CCDC148: variants seen among roughly 807,000 people sequenced by gnomAD.
CCDC148 encodes coiled-coil domain-containing protein 148.
CCDC148 carries 89 observed loss-of-function variants against 85.7 expected under a neutral mutation model. That is an observed-to-expected ratio of 1.04 (90% CI 0.87 to 1.24). The LOEUF (loss-of-function observed/expected upper bound fraction) is 1.24, where lower values mean the gene tolerates loss of function less well. Ranked by LOEUF, CCDC148 falls within the 50% of genes most tolerant of loss-of-function variation. CCDC148 has a pLI of 0.00. For synonymous variants in CCDC148, 230 were observed against 213.9 expected, an observed-to-expected ratio of 1.08 and a Z score of -0.66; for missense variants, 692 against 671.7, an observed-to-expected ratio of 1.03 and a Z score of -0.33.
intron 1 of CCDC148, among the ~76,000 whole-genome samples, chr2:158,369,850 T>C (rs1037850473): frequency 6.6e-6 from 1 of 152,190 alleles, no homozygotes; most frequent in Non-Finnish European, 1.5e-5. Context: ...GTTTCATCAA[T>C]ACATCGTTTG....
At chr2:158,377,076 G>A (rs539719333) in intron 1 of CCDC148, among the ~76,000 whole-genome samples, 3 of 152,058 alleles carry the variant, frequency 2.0e-5, no homozygotes, top group East Asian at 1.9e-4. Context: ...AGGAGGGGAC[G>A]ATTCTCCACT....
At chr2:158,445,177 G>T (rs1470138038) in intron 1 of CCDC148, among the ~76,000 whole-genome samples, 1 of 152,018 alleles carries the variant, frequency 6.6e-6, no homozygotes, top group Non-Finnish European at 1.5e-5. Flanking sequence ...CTTTTCCAAG[G>T]CCCAACAGTA....
chr2:158,413,771 T>C (rs1686371765), intron 1 of CCDC148, among the ~76,000 whole-genome samples: 1 of 152,218 alleles, frequency 6.6e-6, no homozygotes, highest in Non-Finnish European at 1.5e-5. Flanking sequence ...TTTTAAAGCA[T>C]GGTTCTAATA....
At chr2:158,238,695 G>C (rs1400620859) in intron 10 of CCDC148, among the ~76,000 whole-genome samples, 1 of 152,038 alleles carries the variant, frequency 6.6e-6, no homozygotes, top group Non-Finnish European at 1.5e-5. Context: ...TGAACTTTTA[G>C]AACACAAAAG....
intron 1 of CCDC148, among the ~76,000 whole-genome samples, chr2:158,433,328 T>C (rs535803943): frequency 6.8e-6 from 1 of 146,482 alleles, no homozygotes; most frequent in South Asian, 2.1e-4. Context: ...TTTATCAAAA[T>C]TAAAACTTTT....
chr2:158,376,168 T>C (rs1684641916), intron 1 of CCDC148, among the ~76,000 whole-genome samples: 1 of 152,092 alleles, frequency 6.6e-6, no homozygotes, highest in Non-Finnish European at 1.5e-5. Flanking sequence ...TGCTTTTCAA[T>C]AGTAGCATGA....
intron 8 of CCDC148, among the ~76,000 whole-genome samples, chr2:158,311,090 A>C (rs1361048009): frequency 6.6e-6 from 1 of 152,232 alleles, no homozygotes; most frequent in Non-Finnish European, 1.5e-5. Context: ...CAGAGGCTGC[A>C]ATCTCAGCAC....
intron 7 of CCDC148, among the ~76,000 whole-genome samples, chr2:158,318,796 G>A (rs1692401064): frequency 6.6e-6 from 1 of 151,542 alleles, no homozygotes; most frequent in Non-Finnish European, 1.5e-5. Context: ...TGGAGACAGG[G>A]TCTCGCTGTG....
intron 10 of CCDC148, among the ~76,000 whole-genome samples, chr2:158,244,698 A>G (rs141334522): frequency 6.6e-6 from 1 of 152,160 alleles, no homozygotes; most frequent in East Asian, 1.9e-4. Flanking sequence ...GGTCAGGACC[A>G]CTTGATAATT....
chr2:158,345,432 T>G (rs1682949673), intron 2 of CCDC148, 114 bp from the exon 3 acceptor site: 2 of 649,056 alleles, frequency 3.1e-6, no homozygotes, highest in Admixed American at 3.2e-5. Context: ...TTTAAAATTC[T>G]TATTAGTGCA....
rs1688757281 is a variant in CCDC148, at chr2:158,456,532, A to G, written c.-93T>C. On this transcript the variant is annotated 5_prime_UTR_variant, in exon 1 of 14. Transcript: ENST00000283233. ...GGCTCTCGCCGTCAGGGGTACATCT[A>G]AGGGCTCAGCTGTTCCTACCTTTGA... is the stretch of plus-strand genomic sequence containing the variant. The G allele has an allele frequency of 1.3e-6, 2 of 1,490,548 alleles. No individual in the cohort carries two copies. Among genetic ancestry groups the G allele is most frequent in the Non-Finnish European group, 1.8e-6 (2 of 1,100,834 alleles). The allele number at this position is 1,490,548 out of a possible 1,614,324, so 92.3% of individuals were successfully genotyped here.
intron 7 of CCDC148, among the ~76,000 whole-genome samples, chr2:158,333,869 A>G (rs1559077991): frequency 6.6e-6 from 1 of 152,044 alleles, no homozygotes; most frequent in South Asian, 2.1e-4. Flanking sequence ...TCAGTCCTCC[A>G]ACTTTGCTCT....
chr2:158,310,971 G>C (rs189123363), intron 8 of CCDC148, among the ~76,000 whole-genome samples: 10 of 150,750 alleles, frequency 6.6e-5, no homozygotes, highest in Admixed American at 1.3e-4. Context: ...CCGGGAAGAG[G>C]CGCTCTTCAC....
intron 10 of CCDC148, among the ~76,000 whole-genome samples, chr2:158,246,816 C>G (rs1200126180): frequency 2.6e-5 from 4 of 152,116 alleles, no homozygotes. Context: ...TGTGCACTAG[C>G]CCTAAATCTG....
intron 8 of CCDC148, among the ~76,000 whole-genome samples, chr2:158,310,962 C>T (rs61864731): frequency 9.3e-5 from 14 of 150,824 alleles, no homozygotes; most frequent in African/African-American, 1.2e-4. Flanking sequence ...GTGTGGCGGC[C>T]GGGAAGAGGC....
intron 1 of CCDC148, among the ~76,000 whole-genome samples, chr2:158,435,882 G>A (rs137869052): frequency 0.047 from 7,120 of 152,224 alleles, 246 homozygotes; most frequent in Non-Finnish European, 0.063. Context: ...GACAAAGAAG[G>A]CCAATACATA....
chr2:158,416,735 C>T (rs886375007), intron 1 of CCDC148, among the ~76,000 whole-genome samples: 1 of 152,184 alleles, frequency 6.6e-6, no homozygotes, highest in African/African-American at 2.4e-5. Context: ...CTGCACTCTT[C>T]CAACCTCTCT....
At chr2:158,178,784 G>A (rs1326218389) in intron 12 of CCDC148, 95 bp downstream of exon 12, 3 of 820,390 alleles carry the variant, frequency 3.7e-6, no homozygotes, top group East Asian at 2.4e-5. Flanking sequence ...TATAGCAGAT[G>A]TCATGAACTA....
chr2:158,345,416 T>C, intron 2 of CCDC148, 98 bp from the exon 3 acceptor site: 1 of 773,446 alleles, frequency 1.3e-6, no homozygotes, highest in Non-Finnish European at 2.0e-6. Flanking sequence ...GTTAAATAGT[T>C]TCTCTTTTAA....
Sources: allele counts gnomAD v4.1 joint callset (sites outside exome capture counted in the v4.1 genomes callset), GRCh38; gene constraint gnomAD v4.1.1; transcripts MANE v1.5; gene names NCBI Gene and HGNC (gene_info 2026-07-23, HGNC 2026-07-21).